ADGRL3: variants seen among roughly 807,000 people sequenced by gnomAD.
ADGRL3 encodes the protein calcium-independent alpha-latrotoxin receptor 3.
In ADGRL3, 62 loss-of-function variants were observed where a neutral mutation model predicts 153.5. The ratio of observed to expected loss-of-function variants is 0.40; its 90% CI spans 0.33 to 0.50. The LOEUF (loss-of-function observed/expected upper bound fraction) is 0.50, where lower values mean the gene tolerates loss of function less well. ADGRL3 is among the 20% of genes least tolerant of loss of function. The pLI is 0.47. For missense variants in ADGRL3, 1,641 were observed against 1,859.4 expected (o/e 0.88, Z 2.16); for synonymous variants, 710 against 672.5 (o/e 1.06, Z -0.86).
intron 10 of ADGRL3, among the ~76,000 whole-genome samples, chr4:61,893,748 T>A (rs2098606370): frequency 7.3e-6 from 1 of 136,072 alleles, no homozygotes; most frequent in African/African-American, 2.8e-5. Context: ...AGTCTCACTC[T>A]GTCGCCCAGG....
intron 9 of ADGRL3, among the ~76,000 whole-genome samples, chr4:61,840,590 C>G (rs954938985): frequency 6.6e-6 from 1 of 152,056 alleles, no homozygotes; most frequent in Non-Finnish European, 1.5e-5. Context: ...CTTTTTCAGT[C>G]TCTGTTTTAC....
chr4:61,583,177 A>T (rs2098933020), intron 4 of ADGRL3, among the ~76,000 whole-genome samples: 1 of 152,038 alleles, frequency 6.6e-6, no homozygotes. Flanking sequence ...CTTCTATGAA[A>T]GCCCCTAGTT....
chr4:61,253,342 G>A (rs1032893), intron 1 of ADGRL3, among the ~76,000 whole-genome samples: 109,984 of 152,044 alleles, frequency 0.72, 39,982 homozygotes, highest in East Asian at 0.76. Flanking sequence ...ATTTACTTTT[G>A]TATTGCAGAA....
intron 20 of ADGRL3, among the ~76,000 whole-genome samples, chr4:61,997,636 C>G (rs2099126335): frequency 6.6e-6 from 1 of 152,020 alleles, no homozygotes; most frequent in Non-Finnish European, 1.5e-5. Context: ...TTCTCTGTTT[C>G]CAGTGATATG....
chr4:61,279,348 A>G (rs1215722399), intron 1 of ADGRL3, among the ~76,000 whole-genome samples: 1 of 152,134 alleles, frequency 6.6e-6, no homozygotes, highest in East Asian at 1.9e-4. Flanking sequence ...GTTTAGGTGA[A>G]TGCTAGGTTC....
intron 5 of ADGRL3, among the ~76,000 whole-genome samples, chr4:61,613,227 C>T (rs1464771047): frequency 6.6e-6 from 1 of 152,046 alleles, no homozygotes; most frequent in Non-Finnish European, 1.5e-5. Context: ...TCTTTTGTTA[C>T]CTGTTCTTTA....
intron 2 of ADGRL3, among the ~76,000 whole-genome samples, chr4:61,401,062 A>T (rs568364469): frequency 4.6e-5 from 7 of 150,818 alleles, no homozygotes; most frequent in South Asian, 2.1e-4. Context: ...TGGAAGGAAG[A>T]TTCTTTTTTT....
At chr4:61,929,799 C>A (rs187469923) in intron 13 of ADGRL3, among the ~76,000 whole-genome samples, 8 of 152,192 alleles carry the variant, frequency 5.3e-5, no homozygotes, top group Admixed American at 5.2e-4. Flanking sequence ...CCCCTCCCCG[C>A]CCCCCAGTTG....
intron 2 of ADGRL3, among the ~76,000 whole-genome samples, chr4:61,452,810 A>G (rs963812974): frequency 6.6e-6 from 1 of 152,102 alleles, no homozygotes; most frequent in Non-Finnish European, 1.5e-5. Context: ...GATGAGCCTT[A>G]ATTTACAGAA....
At chr4:61,797,192 A>G (rs2097425369) in intron 8 of ADGRL3, among the ~76,000 whole-genome samples, 1 of 152,240 alleles carries the variant, frequency 6.6e-6, no homozygotes, top group Non-Finnish European at 1.5e-5. Context: ...AGAGAATTTA[A>G]GCAAGGTAAA....
At chr4:61,345,119 A>T (rs2095874927) in intron 1 of ADGRL3, among the ~76,000 whole-genome samples, 1 of 152,010 alleles carries the variant, frequency 6.6e-6, no homozygotes, top group Non-Finnish European at 1.5e-5. Flanking sequence ...TTAAATAAAT[A>T]TTTTAAAATT....
At chr4:61,642,913 C>T (rs368517826) in intron 5 of ADGRL3, among the ~76,000 whole-genome samples, 3 of 152,128 alleles carry the variant, frequency 2.0e-5, no homozygotes. Context: ...ATTCTTCCTA[C>T]CCATGAGCAT....
chr4:61,307,276 A>G (rs1416469357), intron 1 of ADGRL3, among the ~76,000 whole-genome samples: 2 of 152,216 alleles, frequency 1.3e-5, no homozygotes, highest in African/African-American at 2.4e-5. Flanking sequence ...TTATGACAAT[A>G]TCTAAAATAT....
chr4:61,313,985 A>C (rs916717170), intron 1 of ADGRL3, among the ~76,000 whole-genome samples: 11 of 152,244 alleles, frequency 7.2e-5, no homozygotes, highest in Non-Finnish European at 1.3e-4. Flanking sequence ...AGGAAAGTGG[A>C]GTACCCAGAG....
At chr4:61,385,288 G>A (rs951917632) in intron 2 of ADGRL3, 7 of 151,960 alleles carry the variant, frequency 4.6e-5, no homozygotes, top group African/African-American at 7.3e-5. Flanking sequence ...TGAACACTCC[G>A]GGGGCCTCTA....
intron 4 of ADGRL3, among the ~76,000 whole-genome samples, chr4:61,542,678 G>A (rs1417760478): frequency 6.6e-6 from 1 of 152,054 alleles, no homozygotes; most frequent in Non-Finnish European, 1.5e-5. Flanking sequence ...TTAAGGGGAT[G>A]GAATGATTTA....
At chr4:61,792,961 C>G (rs761983663) in intron 8 of ADGRL3, among the ~76,000 whole-genome samples, 1 of 151,552 alleles carries the variant, frequency 6.6e-6, no homozygotes, top group Non-Finnish European at 1.5e-5. Context: ...AAAGACATAC[C>G]CGCGACTGGG....
chr4:61,556,412 C>G (rs2098767169), intron 4 of ADGRL3, among the ~76,000 whole-genome samples: 2 of 151,810 alleles, frequency 1.3e-5, no homozygotes, highest in Admixed American at 1.3e-4. Context: ...GCAGAATGAG[C>G]CGGGGGAGAG....
chr4:61,912,986 T>G (rs2098728876), intron 13 of ADGRL3, among the ~76,000 whole-genome samples: 1 of 152,236 alleles, frequency 6.6e-6, no homozygotes, highest in Admixed American at 6.6e-5. Flanking sequence ...TGTGAACTTT[T>G]TCATCATCAC....
Sources: gnomAD v4.1 joint callset for allele counts (sites outside exome capture counted in the v4.1 genomes callset) on GRCh38, gnomAD v4.1.1 for gene constraint, MANE v1.5 for transcripts, NCBI Gene and HGNC (gene_info 2026-07-23, HGNC 2026-07-21) for gene names.